MTA3: variants seen among roughly 807,000 people sequenced by gnomAD.
MTA3 encodes the protein metastasis-associated protein MTA3.
Under a neutral mutation model 83.5 loss-of-function variants are expected in MTA3, and 34 were observed. The ratio of observed to expected loss-of-function variants is 0.41; its 90% CI spans 0.31 to 0.54. The LOEUF is 0.54. Ranked by LOEUF, MTA3 falls within the 20% of genes least tolerant of loss-of-function variation. The pLI, the probability that MTA3 is intolerant of heterozygous loss-of-function variation, is 0.33. For missense variants in MTA3, 761 were observed against 726.4 expected, an observed-to-expected ratio of 1.05 and a Z score of -0.55; for synonymous variants, 303 against 252.7, an observed-to-expected ratio of 1.20 and a Z score of -1.89.
chr2:42,507,041 G>A (rs937723513), intron 2 of MTA3, among the ~76,000 whole-genome samples: 11 of 152,292 alleles, frequency 7.2e-5, no homozygotes, highest in Non-Finnish European at 1.5e-4. Context: ...AGTAGCTGGA[G>A]TAGCATGCGT....
At chr2:42,609,629 A>G in intron 4 of MTA3, 45 bp downstream of exon 4, 1 of 1,540,946 alleles carries the variant, frequency 6.5e-7, no homozygotes, top group East Asian at 2.3e-5. Flanking sequence ...TACGGTGACC[A>G]AAAAACAAAA....
chr2:42,668,716 A>C (rs538101042), intron 8 of MTA3, among the ~76,000 whole-genome samples: 24 of 152,306 alleles, frequency 1.6e-4, no homozygotes, highest in African/African-American at 5.5e-4. Flanking sequence ...ATCAAGTTTA[A>C]ATATGGTCAT....
chr2:42,666,414 G>A (rs1287699084), intron 8 of MTA3, among the ~76,000 whole-genome samples: 1 of 152,130 alleles, frequency 6.6e-6, no homozygotes, highest in African/African-American at 2.4e-5. Flanking sequence ...AAACTATTGA[G>A]TTTTGCCTGG....
chr2:42,641,964 G>C (rs1687735956), intron 5 of MTA3, among the ~76,000 whole-genome samples: 1 of 151,856 alleles, frequency 6.6e-6, no homozygotes, highest in Admixed American at 6.6e-5. Context: ...TAAAAGCCCA[G>C]ACTTTACCAT....
chr2:42,574,683 C>T (rs1678856117), intron 2 of MTA3, among the ~76,000 whole-genome samples: 1 of 152,162 alleles, frequency 6.6e-6, no homozygotes, highest in South Asian at 2.1e-4. Context: ...GCCTTGGCCT[C>T]CCAAAGTGCT....
chr2:42,687,774 T>A (rs2104450566), intron 9 of MTA3, among the ~76,000 whole-genome samples: 1 of 152,326 alleles, frequency 6.6e-6, no homozygotes, highest in Non-Finnish European at 1.5e-5. Context: ...CCAGCCATTT[T>A]TGTAGCTCAT....
chr2:42,591,268 A>G (rs988855499), intron 3 of MTA3, among the ~76,000 whole-genome samples: 1 of 152,240 alleles, frequency 6.6e-6, no homozygotes, highest in Non-Finnish European at 1.5e-5. Flanking sequence ...TAGAACAAGT[A>G]CAGTAAAAAT....
intron 2 of MTA3, among the ~76,000 whole-genome samples, chr2:42,520,993 C>T (rs1331065241): frequency 6.6e-6 from 1 of 152,178 alleles, no homozygotes. Flanking sequence ...TGGCAAACTC[C>T]TTGTTGGCAT....
intron 2 of MTA3, among the ~76,000 whole-genome samples, chr2:42,513,282 T>A (rs548786614): frequency 6.6e-6 from 1 of 152,340 alleles, no homozygotes; most frequent in East Asian, 1.9e-4. Flanking sequence ...GGGAATGAAA[T>A]GAGCATTACT....
chr2:42,603,145 G>A (rs905534988), intron 3 of MTA3, among the ~76,000 whole-genome samples: 1 of 151,634 alleles, frequency 6.6e-6, no homozygotes, highest in African/African-American at 2.4e-5. Flanking sequence ...AGGGTGGAAG[G>A]GAGAACACAG....
intron 9 of MTA3, among the ~76,000 whole-genome samples, chr2:42,693,459 A>G (rs1413752082): frequency 6.6e-6 from 1 of 151,996 alleles, no homozygotes; most frequent in Non-Finnish European, 1.5e-5. Context: ...ACAATATAAA[A>G]TCCTTCCTGC....
chr2:42,668,518 T>A (rs1690502825), intron 8 of MTA3, among the ~76,000 whole-genome samples: 1 of 152,126 alleles, frequency 6.6e-6, no homozygotes, highest in Non-Finnish European at 1.5e-5. Flanking sequence ...TTGTAAAGTG[T>A]TCAGAGCAGT....
chr2:42,750,328 C>A (rs572403365), intron 16 of MTA3, among the ~76,000 whole-genome samples: 1 of 151,950 alleles, frequency 6.6e-6, no homozygotes, highest in East Asian at 1.9e-4. Context: ...TGTTTCTTCT[C>A]TCTGTTTCTT....
At chr2:42,718,808 C>G (rs1197792761) in intron 14 of MTA3, among the ~76,000 whole-genome samples, 180 bp from the exon 15 acceptor site, 1 of 152,034 alleles carries the variant, frequency 6.6e-6, no homozygotes, top group Non-Finnish European at 1.5e-5. Flanking sequence ...TATGTAAATC[C>G]CATTTAGAAA....
intron 16 of MTA3, among the ~76,000 whole-genome samples, chr2:42,748,743 A>G (rs944245753): frequency 1.3e-5 from 2 of 152,182 alleles, no homozygotes; most frequent in East Asian, 3.8e-4. Context: ...GCGCCCAGCC[A>G]GTCCAATCAT....
chr2:42,552,229 AC>A (rs1405169285), intron 2 of MTA3, among the ~76,000 whole-genome samples: 2 of 152,140 alleles, frequency 1.3e-5, no homozygotes, highest in African/African-American at 2.4e-5. Flanking sequence ...GAATAATCAG[AC>A]CAGTGTGGCT....
chr2:42,613,390 T>G (rs962361841), intron 4 of MTA3, among the ~76,000 whole-genome samples: 1 of 152,202 alleles, frequency 6.6e-6, no homozygotes, highest in Non-Finnish European at 1.5e-5. Context: ...TTAGCTTTGT[T>G]TAGCCATCAT....
intron 14 of MTA3, among the ~76,000 whole-genome samples, chr2:42,717,428 G>T (rs1358806263): frequency 1.3e-5 from 2 of 152,172 alleles, no homozygotes; most frequent in Non-Finnish European, 2.9e-5. Context: ...TAATATTTAT[G>T]ACAGTATTAA....
intron 4 of MTA3, among the ~76,000 whole-genome samples, chr2:42,627,978 G>A (rs778437181): frequency 1.4e-4 from 21 of 151,658 alleles, no homozygotes; most frequent in Admixed American, 3.9e-4. Context: ...TCCGACTCCC[G>A]GGTTCAAGTG....
Sources: allele counts gnomAD v4.1 joint callset (sites outside exome capture counted in the v4.1 genomes callset), GRCh38; gene constraint gnomAD v4.1.1; transcripts MANE v1.5; gene names NCBI Gene and HGNC (gene_info 2026-07-23, HGNC 2026-07-21).